The following SEMA3D variants were observed in gnomAD, a reference collection of about 807,000 sequenced individuals.
SEMA3D encodes the protein semaphorin 3D, also known as semaphorin-3D.
Under a neutral mutation model 100.1 loss-of-function variants are expected in SEMA3D, and 84 were observed. The ratio of observed to expected loss-of-function variants is 0.84; its 90% CI spans 0.70 to 1.01. SEMA3D has a LOEUF of 1.01. Ranked by LOEUF, SEMA3D falls within the 50% of genes least tolerant of loss-of-function variation. SEMA3D has a pLI of 0.00. For synonymous variants in SEMA3D, 312 were observed against 320.7 expected (o/e 0.97, Z 0.29); for missense variants, 875 against 934.1 (o/e 0.94, Z 0.82).
chr7:85,230,070 G>T, the SEMA3D span, among the ~76,000 whole-genome samples: 4 of 152,088 alleles, frequency 2.6e-5, no homozygotes, highest in African/African-American at 9.7e-5. Flanking sequence ...ACTACTTCCA[G>T]ATAAATGTGC....
At chr7:85,084,199 G>A (rs1189830163) in intron 4 of SEMA3D, among the ~76,000 whole-genome samples, 8 of 151,892 alleles carry the variant, frequency 5.3e-5, no homozygotes, top group Non-Finnish European at 1.2e-4. Flanking sequence ...CTTTAGATAT[G>A]AGCTTATGAA....
chr7:85,177,537 T>G (rs1049013661), intron 1 of SEMA3D, among the ~76,000 whole-genome samples: 2 of 152,148 alleles, frequency 1.3e-5, no homozygotes, highest in African/African-American at 4.8e-5. Context: ...ATGTTGTGTC[T>G]TGTCAATATC....
chr7:85,021,365 C>T (rs1033231630), intron 13 of SEMA3D, among the ~76,000 whole-genome samples: 3 of 151,736 alleles, frequency 2.0e-5, no homozygotes, highest in African/African-American at 7.3e-5. Flanking sequence ...AAGCGTCAAA[C>T]TTGTGGGAAT....
Position 85,187,000 on chromosome 7 carries a change from G to C in SEMA3D, c.-495C>G, listed in dbSNP as rs1308305329. The C allele has an allele frequency of 1.3e-5, 2 of 153,034 alleles. No homozygotes were observed. The highest frequency in any genetic ancestry group is 2.9e-5 in the Non-Finnish European group (2 of 68,774). The allele number at this position is 153,034 out of a possible 1,614,324, so 9.5% of individuals were successfully genotyped here. The stretch of plus-strand genomic sequence containing the variant: ...AAGGCACGCTCCAAACAGGAGGGCG[G>C]CTTTTAAGTTTGTGGTGTGACCGCA... On this transcript the variant is annotated 5_prime_UTR_variant, in exon 1 of 19. Coordinates refer to ENST00000284136, the MANE Select transcript of SEMA3D (RefSeq NM_001384900.1).
At chr7:85,142,532 A>G (rs906817036) in intron 2 of SEMA3D, 3 of 983,580 alleles carry the variant, frequency 3.1e-6, no homozygotes, top group East Asian at 1.1e-4. Flanking sequence ...GTAATATGGT[A>G]TTTTCCCCAA....
the SEMA3D span, among the ~76,000 whole-genome samples, chr7:85,224,664 G>C: frequency 6.6e-6 from 1 of 151,956 alleles, no homozygotes; most frequent in Admixed American, 6.6e-5. Flanking sequence ...TTTTTGTTTT[G>C]AGTTATTTAA....
chr7:85,013,597 T>G (rs146667646), intron 16 of SEMA3D, among the ~76,000 whole-genome samples: 2,073 of 151,860 alleles, frequency 0.014, 38 homozygotes, highest in South Asian at 0.064. Context: ...TTTTGTCACT[T>G]CAGAGATCAG....
intron 12 of SEMA3D, among the ~76,000 whole-genome samples, chr7:85,025,201 G>C (rs962522514): frequency 2.0e-5 from 3 of 151,928 alleles, no homozygotes; most frequent in African/African-American, 7.2e-5. Context: ...TTAGCTCCTA[G>C]GAGAGTAGGA....
chr7:85,156,413 A>C (rs1399671292), intron 1 of SEMA3D, among the ~76,000 whole-genome samples: 1 of 152,064 alleles, frequency 6.6e-6, no homozygotes, highest in African/African-American at 2.4e-5. Flanking sequence ...AGTGATTCTT[A>C]AGATAATAAA....
intron 2 of SEMA3D, chr7:85,144,537 T>C (rs1790146238): frequency 1.0e-6 from 1 of 984,862 alleles, no homozygotes; most frequent in Non-Finnish European, 1.2e-6. Context: ...CTTCATGTAA[T>C]AGAAAAATGA....
chr7:85,072,211 A>T (rs1562805681), intron 6 of SEMA3D, among the ~76,000 whole-genome samples: 1 of 152,170 alleles, frequency 6.6e-6, no homozygotes, highest in Non-Finnish European at 1.5e-5. Flanking sequence ...CATGTTTTTC[A>T]CTTATTAAAG....
At chr7:85,047,161 G>GA (rs886172023) in intron 9 of SEMA3D, among the ~76,000 whole-genome samples, 111 of 150,452 alleles carry the variant, frequency 7.4e-4, no homozygotes, top group African/African-American at 2.6e-3. Context: ...ATTAAAAAAA[G>GA]AAAAAAAAAT....
chr7:85,105,698 C>T (rs1478777065), intron 3 of SEMA3D, among the ~76,000 whole-genome samples: 1 of 152,080 alleles, frequency 6.6e-6, no homozygotes, highest in Non-Finnish European at 1.5e-5. Context: ...AGAAAGAACA[C>T]AAACAAATCA....
chr7:85,070,538 C>T (rs564373336), intron 6 of SEMA3D, among the ~76,000 whole-genome samples: 1 of 152,228 alleles, frequency 6.6e-6, no homozygotes, highest in South Asian at 2.1e-4. Context: ...TCTAAACTCC[C>T]TCTAGAAGTA....
intron 12 of SEMA3D, chr7:85,028,295 G>A: frequency 1.4e-6 from 1 of 709,626 alleles, no homozygotes; most frequent in South Asian, 1.4e-5. Flanking sequence ...CAGCATCAGG[G>A]CTATCAAAGA....
intron 16 of SEMA3D, 29 bp downstream of exon 16, chr7:85,015,030 C>G (rs6468008): frequency 0.56 from 878,967 of 1,569,928 alleles, 249,978 homozygotes; most frequent in East Asian, 0.72. Flanking sequence ...AGAAAGGAAG[C>G]CTTTATATTA....
rs1052887835 is a variant in SEMA3D at position 85,086,864 on chromosome 7, A to G, written c.313-5285T>C. Among the ~76,000 whole-genome samples, 4 of 152,184 alleles carry G rather than the reference A, an allele frequency of 2.6e-5. No individual in the cohort carries two copies. In the South Asian group the frequency reaches 8.3e-4, roughly 31 times the overall value. ...GTTCCTTGGATTATTTTAGTGGCCT[A>G]GTCAGTACACTTTGAGATTGCGTCA... On this transcript the variant is annotated intron_variant, in intron 4 of 18. Coordinates refer to ENST00000284136, the MANE Select transcript of SEMA3D (RefSeq NM_001384900.1).
the SEMA3D span, among the ~76,000 whole-genome samples, chr7:85,225,917 T>C: frequency 6.6e-6 from 1 of 152,216 alleles, no homozygotes; most frequent in South Asian, 2.1e-4. Flanking sequence ...AAGTTTTACA[T>C]ACTATACTTT....
the SEMA3D span, among the ~76,000 whole-genome samples, chr7:85,230,554 G>C: frequency 6.6e-6 from 1 of 152,152 alleles, no homozygotes; most frequent in Non-Finnish European, 1.5e-5. Context: ...CCAGTATGAA[G>C]TGTTTTCATT....
Sources: gnomAD v4.1 joint callset for allele counts (sites outside exome capture counted in the v4.1 genomes callset) on GRCh38, gnomAD v4.1.1 for gene constraint, MANE v1.5 for transcripts, NCBI Gene and HGNC (gene_info 2026-07-23, HGNC 2026-07-21) for gene names.